Variants in TRDN observed in about 807,000 individuals in gnomAD.
TRDN encodes the protein triadin, also known as triadin in skeletal muscle.
TRDN carries 161 observed loss-of-function variants against 149.7 expected under a neutral mutation model. The ratio of observed to expected loss-of-function variants is 1.08; its 90% CI spans 0.95 to 1.23. The LOEUF is 1.23. Ranked by LOEUF, TRDN falls within the 50% of genes most tolerant of loss-of-function variation. TRDN has a pLI of 0.00. For missense variants in TRDN, 896 were observed against 823.5 expected (o/e 1.09, Z -1.08); for synonymous variants, 294 against 250.5 (o/e 1.17, Z -1.64).
chr6:123,538,330 A>G (rs1780652238), intron 4 of TRDN, among the ~76,000 whole-genome samples: 1 of 152,154 alleles, frequency 6.6e-6, no homozygotes, highest in Non-Finnish European at 1.5e-5. Context: ...TGAACAAGCA[A>G]ATCTTGTTAT....
At chr6:123,529,422 T>C in intron 5 of TRDN, 3 of 1,392,042 alleles carry the variant, frequency 2.2e-6, no homozygotes, top group Non-Finnish European at 3.0e-6. Context: ...AAGAATTGGC[T>C]GACCAATCTA....
At chr6:123,398,809 C>A (rs1391110779) in intron 12 of TRDN, among the ~76,000 whole-genome samples, 2 of 152,008 alleles carry the variant, frequency 1.3e-5, no homozygotes, top group Non-Finnish European at 2.9e-5. Context: ...CTATTTGCAG[C>A]CAGATATGCA....
At chr6:123,352,415 G>A in intron 21 of TRDN, 124 bp downstream of exon 21, 1 of 1,426,590 alleles carries the variant, frequency 7.0e-7, no homozygotes. Context: ...AACATGCAAG[G>A]ACAGTGATAA....
At chr6:123,265,900 A>G (rs1486024002) in intron 32 of TRDN, among the ~76,000 whole-genome samples, 1 of 147,238 alleles carries the variant, frequency 6.8e-6, no homozygotes, top group Non-Finnish European at 1.5e-5. Flanking sequence ...CATGTCTTCT[A>G]AAATATATTA....
At chr6:123,287,715 T>C (rs537388447) in intron 24 of TRDN, among the ~76,000 whole-genome samples, 1 of 152,248 alleles carries the variant, frequency 6.6e-6, no homozygotes, top group Non-Finnish European at 1.5e-5. Context: ...AATATTCAAA[T>C]TAGACATTTG....
At chr6:123,562,860 T>C (rs1782076237) in intron 2 of TRDN, among the ~76,000 whole-genome samples, 1 of 152,360 alleles carries the variant, frequency 6.6e-6, no homozygotes, top group East Asian at 1.9e-4. Flanking sequence ...AATTGTTTTA[T>C]TGACTGCAGA....
chr6:123,551,508 T>A (rs1781391341), intron 2 of TRDN, among the ~76,000 whole-genome samples: 1 of 152,010 alleles, frequency 6.6e-6, no homozygotes, highest in South Asian at 2.1e-4. Context: ...TGTCTTTTTT[T>A]AAGAAGATAC....
At chr6:123,534,844 C>T (rs1780443412) in intron 4 of TRDN, among the ~76,000 whole-genome samples, 1 of 152,022 alleles carries the variant, frequency 6.6e-6, no homozygotes, top group South Asian at 2.1e-4. Flanking sequence ...CATCATGACA[C>T]CTTTTGAGGA....
chr6:123,413,066 C>T (rs746576459), intron 12 of TRDN, among the ~76,000 whole-genome samples: 43 of 151,928 alleles, frequency 2.8e-4, no homozygotes, highest in African/African-American at 9.2e-4. Context: ...ATGGAGAAAA[C>T]GAGGGAAAAG....
chr6:123,484,135 C>T (rs929885392), intron 9 of TRDN, among the ~76,000 whole-genome samples: 6 of 151,798 alleles, frequency 4.0e-5, no homozygotes, highest in African/African-American at 1.5e-4. Flanking sequence ...AATACAAAAG[C>T]ATCCTCTGCA....
intron 8 of TRDN, among the ~76,000 whole-genome samples, chr6:123,500,874 A>G (rs1310905722): frequency 6.6e-6 from 1 of 152,182 alleles, no homozygotes; most frequent in African/African-American, 2.4e-5. Flanking sequence ...CAAATATCAA[A>G]TAGTTGTTTT....
chr6:123,269,541 C>A lies in TRDN; in HGVS notation c.1738+308G>T, dbSNP rs562784850. 1.8e-4 allele frequency among the ~76,000 whole-genome samples: 28 copies of A among 151,860 alleles called. 1 individual carries two copies. The South Asian group carries it at 4.4e-3, about 24-fold the overall frequency. ...TATGGATTCCCTCTTTTAATATTAA[C>A]CACAGTGACAGACTTCTGGATATTT... On this transcript the variant is annotated intron_variant, in intron 31 of 40. Transcript: ENST00000334268.
chr6:123,476,940 C>T (rs1416550787), intron 9 of TRDN, among the ~76,000 whole-genome samples: 1 of 146,530 alleles, frequency 6.8e-6, no homozygotes, highest in Non-Finnish European at 1.5e-5. Flanking sequence ...AACGTTAGAC[C>T]TAAAACCATA....
At chr6:123,225,549 C>A (rs58464189) in intron 38 of TRDN, among the ~76,000 whole-genome samples, 8,064 of 145,610 alleles carry the variant, frequency 0.055, 634 homozygotes, top group African/African-American at 0.19. Flanking sequence ...CACACATACA[C>A]ACACACAGAA....
At chr6:123,343,309 TTATTTC>T (rs1395073382) in intron 21 of TRDN, among the ~76,000 whole-genome samples, 1 of 151,986 alleles carries the variant, frequency 6.6e-6, no homozygotes, top group Non-Finnish European at 1.5e-5. Flanking sequence ...AATACATTCT[TTATTTC>T]TATAACAATG....
chr6:123,610,268 T>C (rs956486471), intron 1 of TRDN, among the ~76,000 whole-genome samples: 2 of 152,174 alleles, frequency 1.3e-5, no homozygotes, highest in Non-Finnish European at 2.9e-5. Context: ...GGCTCAGCCA[T>C]AGTAATGCAC....
intron 20 of TRDN, among the ~76,000 whole-genome samples, chr6:123,353,269 C>A (rs1001782333): frequency 1.3e-5 from 2 of 151,802 alleles, no homozygotes; most frequent in African/African-American, 4.8e-5. Context: ...TGATGAGGAA[C>A]TGATTATTGC....
At chr6:123,432,815 C>A (rs951697550) in intron 12 of TRDN, among the ~76,000 whole-genome samples, 55 of 152,040 alleles carry the variant, frequency 3.6e-4, no homozygotes, top group African/African-American at 1.3e-3. Context: ...TCTGAAACAT[C>A]TATAATACCA....
chr6:123,420,756 A>C (rs1773862581), intron 12 of TRDN, among the ~76,000 whole-genome samples: 1 of 152,216 alleles, frequency 6.6e-6, no homozygotes, highest in South Asian at 2.1e-4. Context: ...CTAGATACTC[A>C]GTGTCGAAAA....
Sources: allele counts gnomAD v4.1 joint callset (sites outside exome capture counted in the v4.1 genomes callset), GRCh38; gene constraint gnomAD v4.1.1; transcripts MANE v1.5; gene names NCBI Gene and HGNC (gene_info 2026-07-23, HGNC 2026-07-21).